RAD23B: variants seen among roughly 807,000 people sequenced by gnomAD.
The protein encoded by RAD23B is lysine-specific demethylase RAD23B.
Under a neutral mutation model 49.1 loss-of-function variants are expected in RAD23B, and 5 were observed. That is an observed-to-expected ratio of 0.10 (90% CI 0.05 to 0.21). The LOEUF (loss-of-function observed/expected upper bound fraction) is 0.21. Ranked by LOEUF, RAD23B falls within the 10% of genes least tolerant of loss-of-function variation. RAD23B has a pLI of 1.00. For missense variants in RAD23B, 356 were observed against 486.7 expected (o/e 0.73, Z 2.53); for synonymous variants, 184 against 165.4 (o/e 1.11, Z -0.86).
chr9:107,323,074 C>G (rs1330420505), intron 7 of RAD23B, among the ~76,000 whole-genome samples: 2 of 152,182 alleles, frequency 1.3e-5, no homozygotes, highest in East Asian at 3.8e-4. Context: ...TCTAAAAATT[C>G]TCTTTTATTC....
At chr9:107,329,303 C>T (rs1040971393) in intron 9 of RAD23B, among the ~76,000 whole-genome samples, 4 of 152,062 alleles carry the variant, frequency 2.6e-5, no homozygotes, top group African/African-American at 7.2e-5. Context: ...GAAACAAAGA[C>T]TTTTTTAGGT....
chr9:107,326,880 C>G (rs1250993154), intron 9 of RAD23B, among the ~76,000 whole-genome samples: 2 of 151,850 alleles, frequency 1.3e-5, no homozygotes, highest in East Asian at 1.9e-4. Flanking sequence ...ACTTCGTGAT[C>G]CACCCGCCTC....
At position 107,301,990 on chromosome 9, in the gene RAD23B, GA is replaced by G. The variant is rs780319284; in HGVS notation, c.149-42del. ...AAGTTGTTTTAACTGAAGTGTAAGA[GA>G]AAGATTATGCCTTAAATGATTTTTT... On this transcript the variant is annotated intron_variant, in intron 2 of 9. Coordinates refer to ENST00000358015, the MANE Select transcript of RAD23B (RefSeq NM_002874.5). The G allele has an allele frequency of 2.5e-6, 4 of 1,592,782 alleles. No homozygotes were observed. The African/African-American group carries it at 5.4e-5, about 22-fold the overall frequency.
intron 6 of RAD23B, among the ~76,000 whole-genome samples, 180 bp from the exon 7 acceptor site, chr9:107,321,803 C>T (rs962902150): frequency 1.3e-5 from 2 of 152,190 alleles, no homozygotes; most frequent in African/African-American, 4.8e-5. Context: ...GCACCCAGGT[C>T]ATTTCTAATC....
intron 4 of RAD23B, 51 bp from the exon 5 acceptor site, chr9:107,311,631 T>C (rs1826888413): frequency 7.4e-7 from 1 of 1,342,314 alleles, no homozygotes; most frequent in African/African-American, 1.5e-5. Context: ...CTAATGTAAA[T>C]TAAATTTTAT....
intron 1 of RAD23B, among the ~76,000 whole-genome samples, chr9:107,299,782 A>AGG (rs1409937827): frequency 1.3e-5 from 2 of 152,066 alleles, no homozygotes; most frequent in Non-Finnish European, 2.9e-5. Flanking sequence ...AGACTGTTTT[A>AGG]TTTCTTAGAT....
At chr9:107,301,327 A>G (rs1031526980) in intron 2 of RAD23B, among the ~76,000 whole-genome samples, 4 of 152,228 alleles carry the variant, frequency 2.6e-5, no homozygotes, top group Non-Finnish European at 5.9e-5. Context: ...CCCTTTCTTC[A>G]TATCATAAAA....
chr9:107,323,641 G>A (rs184006160), intron 7 of RAD23B, among the ~76,000 whole-genome samples: 3 of 152,250 alleles, frequency 2.0e-5, no homozygotes, highest in East Asian at 3.9e-4. Context: ...GGCAATTATA[G>A]GAAAGTTTGG....
chr9:107,289,704 A>G (rs1402637512), intron 1 of RAD23B, among the ~76,000 whole-genome samples: 1 of 152,182 alleles, frequency 6.6e-6, no homozygotes, highest in Non-Finnish European at 1.5e-5. Context: ...ACCTCAGGCA[A>G]GTTACTCAGT....
intron 1 of RAD23B, chr9:107,284,829 C>G (rs912401634): frequency 1.6e-6 from 2 of 1,228,864 alleles, no homozygotes; most frequent in Non-Finnish European, 2.2e-6. Context: ...AACTTATTTG[C>G]TATGACCTTG....
In RAD23B at chr9:107,324,986, A is replaced by G. The variant is rs1260531496; in HGVS notation, c.1098A>G (p.Glu366=). ...ACTACATTCAAGTAACACCTCAGGAAAAAGAAGCTATAGAAAGGGTGAGTT... is the reference window on the plus strand; with the variant it reads ...ACTACATTCAAGTAACACCTCAGGAGAAAGAAGCTATAGAAAGGGTGAGTT... ...HMNYIQVTPQ[E]KEAIERLKAL... The change falls in exon 9 of 10, where the codon GAA becomes GAG. Residue 366 remains glutamate, a synonymous_variant. Transcript: ENST00000358015. The G allele has an allele frequency of 6.2e-7, 1 of 1,613,424 alleles. No homozygotes were observed. The highest frequency in any genetic ancestry group is 8.5e-7 in the Non-Finnish European group (1 of 1,179,886).
chr9:107,311,862 G>A, intron 5 of RAD23B, 125 bp downstream of exon 5: 1 of 690,396 alleles, frequency 1.4e-6, no homozygotes, highest in Non-Finnish European at 2.3e-6. Context: ...TAAGATGATT[G>A]ATTTAGGTAA....
At chr9:107,311,614 TACTAA>T (rs1826888180) in intron 4 of RAD23B, 63 bp from the exon 5 acceptor site, 11 of 1,099,868 alleles carry the variant, frequency 1.0e-5, no homozygotes, top group Non-Finnish European at 1.2e-5. Flanking sequence ...ATTGGATAGT[TACTAA>T]ACTAATGTAA....
intron 2 of RAD23B, among the ~76,000 whole-genome samples, chr9:107,300,703 A>C (rs1293028096): frequency 6.6e-6 from 1 of 152,188 alleles, no homozygotes; most frequent in Non-Finnish European, 1.5e-5. Flanking sequence ...ATGACCAATA[A>C]AGCAACAAAG....
chr9:107,303,994 C>G (rs960665281), intron 3 of RAD23B, among the ~76,000 whole-genome samples: 1 of 151,968 alleles, frequency 6.6e-6, no homozygotes, highest in Non-Finnish European at 1.5e-5. Flanking sequence ...CCTAATATTA[C>G]ATAGGATTCT....
In RAD23B at chr9:107,331,633, C is replaced by T. The variant is rs754617487; in HGVS notation, c.*1977C>T. 3.9e-6 allele frequency: 3 copies of T among 765,722 alleles called. No homozygotes were observed. The highest frequency in any genetic ancestry group is 1.4e-5 in the South Asian group (1 of 70,950). The allele number at this position is 765,722 out of a possible 1,614,324, so 47.4% of individuals were successfully genotyped here. A position where few individuals can be genotyped will look rare whatever the true frequency, so the allele number is the denominator to read the frequency against. ...GCATTTCTGATCGGATAATGGAATA[C>T]TCTCATTTATTTTATGACATTCTCT... On this transcript the variant is annotated 3_prime_UTR_variant, in exon 10 of 10. Coordinates refer to ENST00000358015, the MANE Select transcript of RAD23B (RefSeq NM_002874.5).
chr9:107,285,036 T>G (rs1439732925), intron 1 of RAD23B: 2 of 1,060,636 alleles, frequency 1.9e-6, no homozygotes, highest in African/African-American at 1.7e-5. Flanking sequence ...ACATCTTTAA[T>G]TTTTTAAGAA....
intron 4 of RAD23B, 82 bp from the exon 5 acceptor site, chr9:107,311,600 A>C: frequency 8.1e-6 from 7 of 865,238 alleles, no homozygotes; most frequent in Non-Finnish European, 1.2e-5. Flanking sequence ...GAATCTGTTT[A>C]CCAATTGGAT....
At position 107,318,632 on chromosome 9, in the gene RAD23B, C is replaced by G; in HGVS notation, c.554-120C>G. 9.1e-7 allele frequency: 1 copy of G among 1,101,462 alleles called. No homozygotes were observed. The highest frequency in any genetic ancestry group is 1.3e-6 in the Non-Finnish European group (1 of 778,478). The allele number at this position is 1,101,462 out of a possible 1,614,324, so 68.2% of individuals were successfully genotyped here. On this transcript the variant is annotated intron_variant, in intron 5 of 9. Coordinates refer to ENST00000358015, the MANE Select transcript of RAD23B (RefSeq NM_002874.5). The surrounding 1 kb of genome is among the most constrained non-coding windows in gnomAD (Gnocchi z 4.3). ...ATATATGTTGTAATTTATACTGTTACTCATCTTTGTATTCCCAGCATAGTA... is the reference window on the plus strand; with the variant it reads ...ATATATGTTGTAATTTATACTGTTAGTCATCTTTGTATTCCCAGCATAGTA...
Sources: gnomAD v4.1 joint callset for allele counts (sites outside exome capture counted in the v4.1 genomes callset) on GRCh38, gnomAD v4.1.1 for gene constraint, Gnocchi (gnomAD v3.1) non-coding constraint, MANE v1.5 for transcripts, NCBI Gene and HGNC (gene_info 2026-07-23, HGNC 2026-07-21) for gene names.